Variants in HYCC1 observed in about 807,000 individuals in gnomAD.
HYCC1 encodes the protein hyccin.
the HYCC1 span, among the ~76,000 whole-genome samples, chr7:22,910,442 A>G: frequency 6.6e-6 from 1 of 152,258 alleles, no homozygotes; most frequent in African/African-American, 2.4e-5. Flanking sequence ...ATGCTTGTAC[A>G]GCCTGCAGAA....
the HYCC1 span, among the ~76,000 whole-genome samples, chr7:22,980,274 G>GTTTT: frequency 1.4e-5 from 2 of 146,334 alleles, no homozygotes; most frequent in East Asian, 2.0e-4. Context: ...ATTTTTTAAT[G>GTTTT]TTTTTTTTTT....
the HYCC1 span, among the ~76,000 whole-genome samples, chr7:22,969,514 GTTTTTTTTTGGT>G: frequency 8.9e-6 from 1 of 112,078 alleles, no homozygotes; most frequent in African/African-American, 3.4e-5. Flanking sequence ...AAATTTGGGT[GTTTTTTTTTGGT>G]TTTTTTTTTT....
At chr7:22,975,444 T>C in the HYCC1 span, among the ~76,000 whole-genome samples, 1 of 152,204 alleles carries the variant, frequency 6.6e-6, no homozygotes, top group African/African-American at 2.4e-5. Context: ...CTCAAGGATA[T>C]AATTTATTTT....
chr7:22,984,648 G>A, the HYCC1 span, among the ~76,000 whole-genome samples: 3 of 152,282 alleles, frequency 2.0e-5, 1 homozygote, highest in South Asian at 6.2e-4. Flanking sequence ...CTTGAGCCTG[G>A]GAGGTCAACG....
chr7:22,986,364 T>A, the HYCC1 span, among the ~76,000 whole-genome samples: 1 of 152,154 alleles, frequency 6.6e-6, no homozygotes, highest in African/African-American at 2.4e-5. Context: ...AATGGTGTTT[T>A]AAAAAACAAG....
the HYCC1 span, among the ~76,000 whole-genome samples, chr7:22,988,678 G>C: frequency 2.0e-5 from 3 of 152,186 alleles, no homozygotes; most frequent in African/African-American, 7.2e-5. Flanking sequence ...AGTTCATAAT[G>C]ATTCCAACAC....
At chr7:22,948,813 G>A in the HYCC1 span, among the ~76,000 whole-genome samples, 2 of 151,978 alleles carry the variant, frequency 1.3e-5, no homozygotes, top group Non-Finnish European at 2.9e-5. Context: ...AGGTAGTAGT[G>A]CACTGCTGCT....
the HYCC1 span, chr7:22,945,794 A>C: frequency 6.2e-7 from 1 of 1,613,828 alleles, no homozygotes; most frequent in Non-Finnish European, 8.5e-7. Context: ...GACTTGTTCA[A>C]AGGATTTACT....
the HYCC1 span, among the ~76,000 whole-genome samples, chr7:22,958,540 A>C: frequency 6.6e-6 from 1 of 152,292 alleles, no homozygotes; most frequent in Non-Finnish European, 1.5e-5. Flanking sequence ...CCTAAGACAG[A>C]GTGCTAACCC....
At chr7:22,961,831 G>C in the HYCC1 span, among the ~76,000 whole-genome samples, 1 of 151,968 alleles carries the variant, frequency 6.6e-6, no homozygotes, top group Non-Finnish European at 1.5e-5. Flanking sequence ...GAAAAAGTGT[G>C]TGTGCATGTG....
the HYCC1 span, among the ~76,000 whole-genome samples, chr7:22,922,156 G>A: frequency 1.0e-4 from 10 of 95,576 alleles, no homozygotes; most frequent in African/African-American, 3.3e-4. Flanking sequence ...CTAACTTTAT[G>A]AATAATAAAG....
At chr7:22,960,788 G>A in the HYCC1 span, among the ~76,000 whole-genome samples, 3 of 152,150 alleles carry the variant, frequency 2.0e-5, no homozygotes, top group African/African-American at 4.8e-5. Context: ...AGTGGCTCAC[G>A]CCTGTAATCC....
chr7:23,000,875 C>T, the HYCC1 span, among the ~76,000 whole-genome samples: 1 of 151,626 alleles, frequency 6.6e-6, no homozygotes, highest in African/African-American at 2.4e-5. Flanking sequence ...AAAAAAAAGG[C>T]TTTCCTTGTG....
At chr7:22,990,296 G>A in the HYCC1 span, among the ~76,000 whole-genome samples, 1 of 152,048 alleles carries the variant, frequency 6.6e-6, no homozygotes, top group South Asian at 2.1e-4. Flanking sequence ...TCTTTTCTTT[G>A]GTTTGGTGAG....
the HYCC1 span, chr7:22,937,181 T>C: frequency 6.6e-6 from 1 of 152,066 alleles, no homozygotes; most frequent in African/African-American, 2.4e-5. Flanking sequence ...AACATAGAAG[T>C]AGAAATATGT....
the HYCC1 span, among the ~76,000 whole-genome samples, chr7:22,905,202 TTTTTTC>T: frequency 2.0e-5 from 3 of 151,818 alleles, no homozygotes; most frequent in Non-Finnish European, 2.9e-5. Flanking sequence ...ATTACATTTC[TTTTTTC>T]TTTTTTTCTT....
the HYCC1 span, chr7:22,990,929 T>G: frequency 1.4e-4 from 93 of 662,444 alleles, no homozygotes; most frequent in Middle Eastern, 2.7e-4. Context: ...AACTCTCTAT[T>G]GAGATTTGAT....
chr7:23,002,136 GTATATATATATA>G, the HYCC1 span, among the ~76,000 whole-genome samples: 5 of 76,604 alleles, frequency 6.5e-5, 1 homozygote, highest in African/African-American at 2.4e-4. Context: ...GGTAAAAATT[GTATATATATATA>G]TATATATATA....
chr7:22,916,675 C>G, the HYCC1 span, among the ~76,000 whole-genome samples: 1 of 152,202 alleles, frequency 6.6e-6, no homozygotes, highest in East Asian at 1.9e-4. Flanking sequence ...TTCCTTCTTT[C>G]CTGTTCCTCA....
Sources: gnomAD v4.1 joint callset for allele counts (sites outside exome capture counted in the v4.1 genomes callset) on GRCh38, gnomAD v4.1.1 for gene constraint, MANE v1.5 for transcripts, NCBI Gene and HGNC (gene_info 2026-07-23, HGNC 2026-07-21) for gene names.